Variants in POFUT4 observed in about 807,000 individuals in gnomAD.
The protein encoded by POFUT4 is GDP-fucose protein O-fucosyltransferase 4.
At chr10:73,773,072 A>C in the POFUT4 span, 1 of 1,544,926 alleles carries the variant, frequency 6.5e-7, no homozygotes, top group Non-Finnish European at 8.7e-7. Context: ...GGGAAGGAAA[A>C]GGAGAGGGCG....
chr10:73,775,849 C>G, the POFUT4 span: 1 of 689,256 alleles, frequency 1.5e-6, no homozygotes, highest in African/African-American at 1.8e-5. Context: ...GATGAGTAGC[C>G]AAGGTCTAAC....
At chr10:73,772,989 A>AC in the POFUT4 span, 9 of 1,597,142 alleles carry the variant, frequency 5.6e-6, no homozygotes, top group Non-Finnish European at 7.7e-6. Context: ...TCACACTGCG[A>AC]CGTGCCAGCG....
chr10:73,774,237 G>C, the POFUT4 span: 1 of 158,492 alleles, frequency 6.3e-6, no homozygotes, highest in South Asian at 1.9e-4. Flanking sequence ...GGGTTGGGCA[G>C]TAGAGAAGAG....
chr10:73,774,993 TC>T, the POFUT4 span: 1 of 182,056 alleles, frequency 5.5e-6, no homozygotes, highest in Non-Finnish European at 1.2e-5. Flanking sequence ...ATGGTTGGAA[TC>T]CTTCACCAAG....
chr10:73,778,932 G>C, the POFUT4 span: 1 of 151,140 alleles, frequency 6.6e-6, no homozygotes, highest in African/African-American at 2.4e-5. Context: ...TGAGCCCAGG[G>C]ATTCAAGACC....
At chr10:73,772,881 GGCTGCCCGGGACCGCCTATCTGC>G in the POFUT4 span, 6 of 1,612,152 alleles carry the variant, frequency 3.7e-6, no homozygotes, top group Admixed American at 1.7e-5. Context: ...TCGCTGCAGT[GGCTGCCCGGGACCGCCTATCTGC>G]GCCGCCCGGT....
the POFUT4 span, chr10:73,773,484 G>C: frequency 1.2e-6 from 2 of 1,614,234 alleles, no homozygotes; most frequent in Admixed American, 1.7e-5. Flanking sequence ...GAAGCTGGCA[G>C]AGTTTATTGA....
At chr10:73,772,361 T>C in the POFUT4 span, 32 of 1,512,800 alleles carry the variant, frequency 2.1e-5, no homozygotes, top group South Asian at 2.1e-4. Flanking sequence ...TAGGGTGGTG[T>C]TGGTCCTTCT....
chr10:73,775,665 A>C, the POFUT4 span: 6 of 1,614,250 alleles, frequency 3.7e-6, no homozygotes, highest in South Asian at 1.1e-5. Context: ...TGAAATCTTC[A>C]TGAAGAGGCA....
the POFUT4 span, chr10:73,773,149 A>G: frequency 1.3e-6 from 2 of 1,551,150 alleles, no homozygotes; most frequent in Non-Finnish European, 1.7e-6. Context: ...CCAGGCCTCC[A>G]GGGCCGCACC....
At chr10:73,776,877 C>T in the POFUT4 span, among the ~76,000 whole-genome samples, 6 of 152,276 alleles carry the variant, frequency 3.9e-5, no homozygotes, top group South Asian at 8.3e-4. Flanking sequence ...GACAGGGTTT[C>T]GCCATGTTGG....
the POFUT4 span, chr10:73,773,467 C>T: frequency 3.7e-6 from 6 of 1,614,120 alleles, no homozygotes; most frequent in African/African-American, 2.7e-5. Context: ...GATTTTGAGT[C>T]TCCTCAGAAG....
At chr10:73,774,627 G>A in the POFUT4 span, 1 of 152,192 alleles carries the variant, frequency 6.6e-6, no homozygotes, top group African/African-American at 2.4e-5. Flanking sequence ...TTGAACCTAG[G>A]AGTTCAATGC....
the POFUT4 span, chr10:73,772,328 G>A: frequency 6.9e-7 from 1 of 1,444,034 alleles, no homozygotes; most frequent in Non-Finnish European, 9.1e-7. Flanking sequence ...GGCTGCCGGA[G>A]TGGACATGGC....
the POFUT4 span, chr10:73,772,512 G>A: frequency 4.2e-5 from 65 of 1,558,876 alleles, no homozygotes; most frequent in Non-Finnish European, 5.1e-5. Flanking sequence ...GGGGTGACGC[G>A]CAGCTCTGGG....
the POFUT4 span, among the ~76,000 whole-genome samples, chr10:73,778,643 T>C: frequency 2.7e-4 from 41 of 152,100 alleles, no homozygotes; most frequent in African/African-American, 7.2e-4. Context: ...TAGATAGATA[T>C]ATGTTAGATG....
chr10:73,778,064 A>G, the POFUT4 span, among the ~76,000 whole-genome samples: 1 of 149,286 alleles, frequency 6.7e-6, no homozygotes, highest in Non-Finnish European at 1.5e-5. Flanking sequence ...GGGTTTTGCC[A>G]TGTTGGCCAG....
At chr10:73,773,017 G>T in the POFUT4 span, 2 of 1,581,030 alleles carry the variant, frequency 1.3e-6, no homozygotes, top group African/African-American at 1.3e-5. Flanking sequence ...ACCGCTACGT[G>T]CGCGAGCTCA....
At chr10:73,779,304 C>A in the POFUT4 span, 1 of 156,010 alleles carries the variant, frequency 6.4e-6, no homozygotes, top group Non-Finnish European at 1.4e-5. Flanking sequence ...TGGCTCACGC[C>A]TGTAATCCCA....
Sources: gnomAD v4.1 joint callset for allele counts (sites outside exome capture counted in the v4.1 genomes callset) on GRCh38, gnomAD v4.1.1 for gene constraint, MANE v1.5 for transcripts, NCBI Gene and HGNC (gene_info 2026-07-23, HGNC 2026-07-21) for gene names.